Variants in MYH2 observed in about 807,000 individuals in gnomAD.
MYH2 encodes myosin-2.
A neutral mutation model predicts 228.1 loss-of-function variants in MYH2; 139 were observed. The observed-to-expected ratio is 0.61, with a 90% CI of 0.53 to 0.70. MYH2 has a LOEUF of 0.70. MYH2 is among the 30% of genes least tolerant of loss of function. The pLI is 0.00. For missense variants in MYH2, 1,809 were observed against 2,357.5 expected (o/e 0.77, Z 4.82); for synonymous variants, 796 against 871.1 (o/e 0.91, Z 1.52).
In MYH2 at chr17:10,545,651, A is replaced by G. The variant is rs1597458535; in HGVS notation, c.349-149T>C. 1.2e-5 allele frequency: 13 copies of G among 1,079,612 alleles called. No individual in the cohort carries two copies. In the East Asian group the frequency reaches 3.2e-4, roughly 26 times the overall value. 66.9% of individuals were successfully genotyped at this position (1,079,612 alleles called of 1,614,324 possible). A position where few individuals can be genotyped will look rare whatever the true frequency, so the allele number is the denominator to read the frequency against. On this transcript the variant is annotated intron_variant, in intron 4 of 39. Coordinates refer to ENST00000245503, the MANE Select transcript of MYH2 (RefSeq NM_017534.6). ...GCTACCTCAGCTCACTGCAGCCCCAACCTCCCGGGCTCAAGCAATCCTCCC... is the reference window on the plus strand; with the variant it reads ...GCTACCTCAGCTCACTGCAGCCCCAGCCTCCCGGGCTCAAGCAATCCTCCC...
At chr17:10,539,144 T>C in intron 14 of MYH2, 61 bp downstream of exon 14, 4 of 1,612,528 alleles carry the variant, frequency 2.5e-6, no homozygotes, top group Non-Finnish European at 3.4e-6. Flanking sequence ...ACTAATTCCT[T>C]CATATAGATA....
At position 10,536,743 on chromosome 17, in the gene MYH2, T is replaced by C. The variant is rs924200413; in HGVS notation, c.1898-137A>G. The C allele has an allele frequency of 1.4e-5, 11 of 801,144 alleles. 1 individual carries two copies. The Middle Eastern group carries it at 9.5e-4, about 69-fold the overall frequency. The allele number at this position is 801,144 out of a possible 1,614,324, so 49.6% of individuals were successfully genotyped here. A position where few individuals can be genotyped will look rare whatever the true frequency, so the allele number is the denominator to read the frequency against. The stretch of plus-strand genomic sequence containing the variant: ...TCTCTGATTGAGCCTGAATGAATCT[T>C]ATTTTTCAACTAAGTTTGCAGCCAC... On this transcript the variant is annotated intron_variant, in intron 16 of 39. Coordinates refer to ENST00000245503, the MANE Select transcript of MYH2 (RefSeq NM_017534.6).
At position 10,523,089 on chromosome 17, in the gene MYH2, C is replaced by T; in HGVS notation, c.5673+1G>A. On this transcript the variant is annotated splice_donor_variant, in intron 39 of 39. Coordinates refer to ENST00000245503, the MANE Select transcript of MYH2 (RefSeq NM_017534.6). LOFTEE classifies it high-confidence loss of function. The stretch of plus-strand genomic sequence containing the variant: ...AGGACTTCAATCTTAAAAATACTTA[C>T]AGCCTCCTCAGCTTGTCTCTTATAA... 1 of 1,602,750 alleles carries T rather than the reference C, an allele frequency of 6.2e-7. No homozygotes were observed. Among genetic ancestry groups the T allele is most frequent in the South Asian group, 1.1e-5 (1 of 90,860 alleles).
intron 21 of MYH2, among the ~76,000 whole-genome samples, chr17:10,533,054 T>G (rs1043493034): frequency 6.6e-6 from 1 of 152,210 alleles, no homozygotes; most frequent in Non-Finnish European, 1.5e-5. Context: ...GTATTTTATC[T>G]TATTAGATAA....
chr17:10,532,925 G>C (rs9911143), intron 21 of MYH2, among the ~76,000 whole-genome samples: 9,912 of 152,208 alleles, frequency 0.065, 361 homozygotes, highest in South Asian at 0.12. Flanking sequence ...CTGTGTAAAA[G>C]CACTCTTGAG....
chr17:10,527,694 G>A (rs2073370779), intron 28 of MYH2, 54 bp downstream of exon 28: 1 of 1,612,386 alleles, frequency 6.2e-7, no homozygotes, highest in Non-Finnish European at 8.5e-7. Context: ...TCAGTCCGTT[G>A]TTCTTAATCA....
chr17:10,539,375 C>T (rs1256110821), intron 13 of MYH2, 21 bp from the exon 14 acceptor site: 2 of 1,614,170 alleles, frequency 1.2e-6, no homozygotes, highest in Admixed American at 1.7e-5. Flanking sequence ...AAAATTATAA[C>T]TCTCGAAGTT....
intron 21 of MYH2, 117 bp from the exon 22 acceptor site, chr17:10,532,005 G>T: frequency 8.2e-7 from 1 of 1,226,486 alleles, no homozygotes; most frequent in Non-Finnish European, 1.1e-6. Flanking sequence ...CAAACATGCA[G>T]ATGAAAAAAT....
chr17:10,533,174 ACT>A, intron 21 of MYH2, 109 bp downstream of exon 21: 1 of 1,472,292 alleles, frequency 6.8e-7, no homozygotes, highest in South Asian at 1.2e-5. Flanking sequence ...TCATTATAGG[ACT>A]CTTATTCATT....
At chr17:10,540,210 G>T in intron 11 of MYH2, 144 bp from the exon 12 acceptor site, 1 of 1,151,812 alleles carries the variant, frequency 8.7e-7, no homozygotes, top group Non-Finnish European at 1.3e-6. Context: ...ATAGAGAGTT[G>T]GTCAACCAAA....
At chr17:10,529,295 A>G in intron 25 of MYH2, 41 bp downstream of exon 25, 1 of 1,614,052 alleles carries the variant, frequency 6.2e-7, no homozygotes, top group Non-Finnish European at 8.5e-7. Flanking sequence ...GTCCGTATCT[A>G]ATGTTGGAAG....
At position 10,525,688 on chromosome 17, in the gene MYH2, A is replaced by G. The variant is rs1192033525; in HGVS notation, c.4371+5T>C. 1.9e-6 allele frequency: 3 copies of G among 1,614,050 alleles called. No individual in the cohort carries two copies. Among genetic ancestry groups the G allele is most frequent in the Non-Finnish European group, 2.5e-6 (3 of 1,180,044 alleles). ...GTAAAGAGCAGAAGATGCTGGAGGAATTACCTTATCGAAGTTCCTTTGCTT... is the reference window on the plus strand; with the variant it reads ...GTAAAGAGCAGAAGATGCTGGAGGAGTTACCTTATCGAAGTTCCTTTGCTT... On this transcript the variant is annotated splice_donor_5th_base_variant and intron_variant, in intron 31 of 39. Transcript: ENST00000245503. This position sits in a 1 kb window ranked among gnomAD's most constrained non-coding sequence, Gnocchi z 4.2.
intron 39 of MYH2, 71 bp downstream of exon 39, chr17:10,523,019 G>T (rs1157115502): frequency 2.7e-6 from 3 of 1,096,198 alleles, no homozygotes; most frequent in African/African-American, 1.5e-5. Context: ...AAAGCAAACA[G>T]CTTGTTCACT....
chr17:10,546,384 G>A (rs893106345), intron 4 of MYH2, among the ~76,000 whole-genome samples: 1 of 149,554 alleles, frequency 6.7e-6, no homozygotes, highest in Non-Finnish European at 1.5e-5. Flanking sequence ...ATCAACTCTA[G>A]GTACACTTGT....
chr17:10,547,670 A>G (rs200942686), intron 3 of MYH2, 47 bp downstream of exon 3: 7 of 1,614,126 alleles, frequency 4.3e-6, no homozygotes, highest in Admixed American at 1.7e-5. Context: ...CCAAACAACA[A>G]CAACAAAAAT....
chr17:10,536,197 T>G (rs1456074471), intron 17 of MYH2, among the ~76,000 whole-genome samples: 1 of 152,182 alleles, frequency 6.6e-6, no homozygotes, highest in East Asian at 1.9e-4. Context: ...AAAGCAAATT[T>G]TATGCATTGG....
At position 10,525,219 on chromosome 17, in the gene MYH2, T is replaced by C; in HGVS notation, c.4662+5A>G. The C allele has an allele frequency of 1.2e-6, 2 of 1,614,162 alleles. No homozygotes were observed. The highest frequency in any genetic ancestry group is 8.5e-7 in the Non-Finnish European group (1 of 1,180,030). On this transcript the variant is annotated splice_donor_5th_base_variant and intron_variant, in intron 33 of 39. Coordinates refer to ENST00000245503, the MANE Select transcript of MYH2 (RefSeq NM_017534.6). This position sits in a 1 kb window ranked among gnomAD's most constrained non-coding sequence, Gnocchi z 4.2. ...TTTTTTTATAATGCACAATTTTACA[T>C]GTACCTCTGCTTCTTCTAAAGCAGC...
chr17:10,537,662 A>G lies in MYH2; in HGVS notation c.1587+3T>C. 6.2e-7 allele frequency: 1 copy of G among 1,614,232 alleles called. No individual in the cohort carries two copies. Among genetic ancestry groups the G allele is most frequent in the African/African-American group, 1.3e-5 (1 of 75,066 alleles). On this transcript the variant is annotated splice_donor_region_variant and intron_variant, in intron 15 of 39. Coordinates refer to ENST00000245503, the MANE Select transcript of MYH2 (RefSeq NM_017534.6). The surrounding 1 kb of genome is among the most constrained non-coding windows in gnomAD (Gnocchi z 4.0). Reference sequence around the variant, plus strand: ...AATATGGTTTCAGAAATGCAAAACCAACCTTCTCGATGAGCTCGATGCAGG... The same window carrying G: ...AATATGGTTTCAGAAATGCAAAACCGACCTTCTCGATGAGCTCGATGCAGG...
chr17:10,536,721 C>T, intron 16 of MYH2, 115 bp from the exon 17 acceptor site: 1 of 887,058 alleles, frequency 1.1e-6, no homozygotes, highest in African/African-American at 1.7e-5. Context: ...GCTGGCCTCT[C>T]TGATTGAGCC....
Sources: allele counts gnomAD v4.1 joint callset (sites outside exome capture counted in the v4.1 genomes callset), GRCh38; gene constraint gnomAD v4.1.1; non-coding constraint Gnocchi (gnomAD v3.1); transcripts MANE v1.5; gene names NCBI Gene and HGNC (gene_info 2026-07-23, HGNC 2026-07-21).